LANCL3: variants seen among roughly 807,000 people sequenced by gnomAD.
LANCL3 encodes LanC like family member 3.
In LANCL3, 19 loss-of-function variants were observed where a neutral mutation model predicts 26.5. The ratio of observed to expected loss-of-function variants is 0.72; its 90% confidence interval spans 0.50 to 1.05. The LOEUF (loss-of-function observed/expected upper bound fraction) is 1.05. Ranked by LOEUF, LANCL3 falls within the 50% of genes least tolerant of loss-of-function variation. LANCL3 has a pLI of 0.00. For synonymous variants in LANCL3, 160 were observed against 166.6 expected (o/e 0.96, Z 0.30); for missense variants, 318 against 362.7 (o/e 0.88, Z 1.00).
chrX:37,647,167 A>C (rs1163713413), intron 1 of LANCL3, among the ~76,000 whole-genome samples: 1 of 110,797 alleles, frequency 9.0e-6, no homozygotes, highest in Non-Finnish European at 1.9e-5. Context: ...ACAAAAAATT[A>C]GCCAGGCGTG....
chrX:37,655,018 A>C (rs1194637689), intron 1 of LANCL3, among the ~76,000 whole-genome samples: 1 of 112,547 alleles, frequency 8.9e-6, no homozygotes, highest in Non-Finnish European at 1.9e-5. Context: ...AGGCTTGAGA[A>C]CCGTTTAATC....
intron 4 of LANCL3, among the ~76,000 whole-genome samples, chrX:37,668,614 G>C (rs965775139): frequency 9.0e-6 from 1 of 111,049 alleles, no homozygotes; most frequent in Middle Eastern, 4.2e-3. Context: ...AAAAGATATT[G>C]TTTTCCTTTG....
At chrX:37,629,802 A>C (rs1470933822) in intron 1 of LANCL3, among the ~76,000 whole-genome samples, 21 of 111,131 alleles carry the variant, frequency 1.9e-4, no homozygotes, top group Non-Finnish European at 3.8e-4. Flanking sequence ...TGTTCCATTG[A>C]TCTAGATCTC....
chrX:37,612,717 G>A (rs1924908789), intron 1 of LANCL3, among the ~76,000 whole-genome samples: 1 of 112,027 alleles, frequency 8.9e-6, no homozygotes, highest in African/African-American at 3.2e-5. Context: ...TTTGGTAGGT[G>A]CTGAAGATAC....
intron 1 of LANCL3, among the ~76,000 whole-genome samples, chrX:37,589,737 A>G (rs1350154272): frequency 1.8e-5 from 2 of 111,645 alleles, no homozygotes; most frequent in African/African-American, 6.6e-5. Flanking sequence ...ACTAAATAGC[A>G]TATGTATTCT....
intron 3 of LANCL3, among the ~76,000 whole-genome samples, chrX:37,662,509 G>A (rs782426384): frequency 2.6e-4 from 29 of 111,655 alleles, no homozygotes; most frequent in Middle Eastern, 4.6e-3. Flanking sequence ...TCTGTAGTGC[G>A]CACTGTACAA....
chrX:37,602,160 C>CAT (rs782716903), intron 1 of LANCL3, among the ~76,000 whole-genome samples: 2 of 111,368 alleles, frequency 1.8e-5, no homozygotes, highest in African/African-American at 6.5e-5. Context: ...AGAAATTATA[C>CAT]ATATATATAT....
rs1045095037 is a variant in LANCL3 at position 37,650,112 on chromosome X, G to A, written c.574-5576G>A. Among the ~76,000 whole-genome samples the A allele has an allele frequency of 9.2e-5, 10 of 109,024 alleles. No homozygotes were observed. In the East Asian group the frequency reaches 2.9e-3, roughly 32 times the overall value. The allele number at this position is 109,024 out of a possible 115,157, so 94.7% of individuals were successfully genotyped here. A position where few individuals can be genotyped will look rare whatever the true frequency, so the allele number is the denominator to read the frequency against. On this transcript the variant is annotated intron_variant, in intron 1 of 4. Coordinates refer to ENST00000378619, the MANE Select transcript of LANCL3 (RefSeq NM_001170331.2). ...AGGTCAGGAATTCGAGACCAGCCTG[G>A]CCAACATGGTGAAACCCCGTCTCTG...
At chrX:37,574,054 CAA>C (rs34987799) in intron 1 of LANCL3, among the ~76,000 whole-genome samples, 846 of 33,409 alleles carry the variant, frequency 0.025, 21 homozygotes, top group African/African-American at 0.073. Context: ...TCAAGGATAG[CAA>C]AAAAAAAAAA....
chrX:37,598,153 C>G (rs1556419668), intron 1 of LANCL3, among the ~76,000 whole-genome samples: 1 of 111,505 alleles, frequency 9.0e-6, no homozygotes, highest in Non-Finnish European at 1.9e-5. Context: ...CTCTGAAGCA[C>G]AAGTTCTTAA....
intron 1 of LANCL3, among the ~76,000 whole-genome samples, chrX:37,605,171 G>A (rs1166525064): frequency 1.8e-5 from 2 of 111,878 alleles, no homozygotes; most frequent in East Asian, 2.8e-4. Flanking sequence ...TTACGCCTCC[G>A]AAGGGCCAAT....
At chrX:37,659,220 A>G (rs2146783228) in intron 2 of LANCL3, among the ~76,000 whole-genome samples, 1 of 112,871 alleles carries the variant, frequency 8.9e-6, no homozygotes, top group African/African-American at 3.2e-5. Flanking sequence ...AAAATATGCA[A>G]ATGAATGAGC....
In LANCL3 at chrX:37,675,758, T is replaced by C. The variant is rs1926785744; in HGVS notation, c.1208T>C (p.Ile403Thr). ...EGFSGTVCFLIDLLQPNQAEF... is the reference protein window; with the variant it reads ...EGFSGTVCFLTDLLQPNQAEF... ...TTCTCTGGGACAGTGTGCTTTCTGA[T>C]TGACCTGCTGCAGCCCAATCAGGCT... The change falls in exon 5 of 5, where the codon ATT becomes ACT. Residue 403 changes from isoleucine to threonine, a missense_variant. Physicochemically the swap from Ile to Thr is moderately conservative, Grantham distance 89. Transcript: ENST00000378619. The C allele has an allele frequency of 3.4e-6, 4 of 1,163,486 alleles. No homozygotes were observed. In the African/African-American group the frequency reaches 5.3e-5, roughly 16 times the overall value.
At chrX:37,602,049 G>GA (rs1924587767) in intron 1 of LANCL3, among the ~76,000 whole-genome samples, 1 of 111,713 alleles carries the variant, frequency 9.0e-6, no homozygotes, top group Admixed American at 9.5e-5. Flanking sequence ...TCATTTCTAG[G>GA]AAAAAGAGTG....
intron 1 of LANCL3, among the ~76,000 whole-genome samples, chrX:37,638,878 G>A (rs1458042677): frequency 1.8e-5 from 2 of 110,796 alleles, no homozygotes; most frequent in African/African-American, 6.6e-5. Flanking sequence ...ACTTCATAGA[G>A]ATGGAATCAT....
chrX:37,609,927 G>A (rs1223062798), intron 1 of LANCL3, among the ~76,000 whole-genome samples: 3 of 111,975 alleles, frequency 2.7e-5, no homozygotes, highest in Non-Finnish European at 5.6e-5. Flanking sequence ...AAAACCCTGA[G>A]TCAGCTTTCC....
chrX:37,629,803 T>A (rs782300789), intron 1 of LANCL3, among the ~76,000 whole-genome samples: 1 of 111,722 alleles, frequency 9.0e-6, no homozygotes, highest in African/African-American at 3.3e-5. Flanking sequence ...GTTCCATTGA[T>A]CTAGATCTCT....
chrX:37,594,076 T>G (rs1687995434), intron 1 of LANCL3, among the ~76,000 whole-genome samples: 1 of 111,224 alleles, frequency 9.0e-6, no homozygotes, highest in South Asian at 3.8e-4. Context: ...TTCTACCCAG[T>G]GAGAAGGGGT....
intron 1 of LANCL3, among the ~76,000 whole-genome samples, chrX:37,598,017 A>C (rs937801784): frequency 6.2e-4 from 69 of 110,403 alleles, no homozygotes; most frequent in African/African-American, 2.2e-3. Context: ...AGCTATTATT[A>C]TTTTTATTTA....
Sources: gnomAD v4.1 joint callset for allele counts (sites outside exome capture counted in the v4.1 genomes callset) on GRCh38, gnomAD v4.1.1 for gene constraint, MANE v1.5 for transcripts, NCBI Gene and HGNC (gene_info 2026-07-23, HGNC 2026-07-21) for gene names.